Variants in TTC6 observed in about 807,000 individuals in gnomAD.
TTC6 encodes tetratricopeptide repeat protein 6.
In TTC6, 172 loss-of-function variants were observed where a neutral mutation model predicts 210.4. That is an observed-to-expected ratio of 0.82 (90% CI 0.72 to 0.93). The LOEUF (loss-of-function observed/expected upper bound fraction) is 0.93. Among genes scored for constraint, TTC6 ranks in the 40% least tolerant of loss-of-function variants. The pLI is 0.00. For missense variants in TTC6, 2,414 were observed against 2,318.1 expected (o/e 1.04, Z -0.85); for synonymous variants, 804 against 819.6 (o/e 0.98, Z 0.32).
At chr14:37,777,753 T>G (rs1428054569) in intron 14 of TTC6, among the ~76,000 whole-genome samples, 1 of 148,836 alleles carries the variant, frequency 6.7e-6, no homozygotes, top group Non-Finnish European at 1.5e-5. Context: ...TCTTTGAAAT[T>G]TGTCTCCTTC....
chr14:37,749,204 C>G (rs1483348427), exon 11 of TTC6: 2 of 1,531,076 alleles, frequency 1.3e-6, no homozygotes, highest in East Asian at 2.4e-5. Flanking sequence ...AGTGAAAGAA[C>G]CACCAAAACT....
exon 21 of TTC6, chr14:37,804,803 A>C: frequency 3.1e-6 from 5 of 1,613,752 alleles, no homozygotes; most frequent in Non-Finnish European, 4.2e-6. Context: ...GGAGGAAGGC[A>C]ATTTACAAAT....
intron 1 of TTC6, among the ~76,000 whole-genome samples, chr14:37,646,184 T>C (rs536445873): frequency 9.2e-5 from 14 of 152,280 alleles, no homozygotes; most frequent in Admixed American, 5.2e-4. Flanking sequence ...GATGAGAAAA[T>C]GGTAAATAAC....
chr14:37,611,043 G>GC (rs995305088), intron 2 of TTC6, among the ~76,000 whole-genome samples: 8 of 152,262 alleles, frequency 5.3e-5, no homozygotes, highest in Non-Finnish European at 7.3e-5. Flanking sequence ...TTCGGGAGCA[G>GC]CGTCTTTTTA....
At chr14:37,615,756 A>C (rs776472155) in intron 2 of TTC6, among the ~76,000 whole-genome samples, 3 of 150,558 alleles carry the variant, frequency 2.0e-5, no homozygotes, top group Non-Finnish European at 4.4e-5. Flanking sequence ...GATCTGTTCA[A>C]TTTTCTTTTT....
chr14:37,822,129 C>G (rs368709717), intron 26 of TTC6, among the ~76,000 whole-genome samples: 1 of 152,222 alleles, frequency 6.6e-6, no homozygotes, highest in African/African-American at 2.4e-5. Flanking sequence ...AGCACTCAGG[C>G]TGTGTTCTGC....
At chr14:37,622,150 C>T in exon 1 of TTC6, 1 of 1,535,488 alleles carries the variant, frequency 6.5e-7, no homozygotes, top group South Asian at 1.2e-5. Flanking sequence ...CGGCAGGAAA[C>T]TAAAAAGGAT....
intron 4 of TTC6, among the ~76,000 whole-genome samples, chr14:37,700,196 A>G (rs563088430): frequency 6.6e-6 from 1 of 152,236 alleles, no homozygotes; most frequent in African/African-American, 2.4e-5. Context: ...ACTTCTGGAG[A>G]AGGGCCACTT....
intron 14 of TTC6, among the ~76,000 whole-genome samples, chr14:37,772,889 A>C (rs183612929): frequency 2.6e-5 from 4 of 152,282 alleles, no homozygotes; most frequent in Admixed American, 6.5e-5. Context: ...GTCTATAAGC[A>C]TTCCCTTTTC....
chr14:37,617,137 A>C (rs538374914), upstream of TTC6, among the ~76,000 whole-genome samples: 2 of 152,204 alleles, frequency 1.3e-5, no homozygotes, highest in South Asian at 4.1e-4. Flanking sequence ...TGGCCTCCCA[A>C]AGCGCTGGGA....
intron 5 of TTC6, among the ~76,000 whole-genome samples, chr14:37,706,623 G>T (rs2095835999): frequency 6.6e-6 from 1 of 152,046 alleles, no homozygotes. Context: ...AAAGAATGAG[G>T]TAGAATTTTG....
At chr14:37,738,905 C>T in exon 10 of TTC6, 1 of 1,535,318 alleles carries the variant, frequency 6.5e-7, no homozygotes, top group Non-Finnish European at 8.7e-7. Flanking sequence ...TCAGCTCCAG[C>T]TCACTAAGCA....
At chr14:37,720,895 T>G (rs2138802359) in intron 6 of TTC6, among the ~76,000 whole-genome samples, 1 of 152,274 alleles carries the variant, frequency 6.6e-6, no homozygotes, top group African/African-American at 2.4e-5. Context: ...GGAAATGTTT[T>G]GTAGCTTGAC....
intron 8 of TTC6, among the ~76,000 whole-genome samples, chr14:37,737,394 G>A (rs994477321): frequency 6.6e-6 from 1 of 151,252 alleles, no homozygotes; most frequent in Non-Finnish European, 1.5e-5. Context: ...CTTGTACATA[G>A]CAGGTACTTG....
chr14:37,735,971 T>C, exon 8 of TTC6: 1 of 1,534,602 alleles, frequency 6.5e-7, no homozygotes, highest in Non-Finnish European at 8.7e-7. Context: ...ATAAAAGCAG[T>C]GTCATTACTT....
At chr14:37,737,818 C>A (rs116766372) in intron 9 of TTC6, 84 bp downstream of exon 11, 3 of 563,744 alleles carry the variant, frequency 5.3e-6, no homozygotes, top group South Asian at 2.5e-5. Context: ...TTTTTAAAAG[C>A]ATCTACTTCT....
chr14:37,606,133 G>C (rs2095624710), intron 1 of TTC6, among the ~76,000 whole-genome samples: 1 of 152,164 alleles, frequency 6.6e-6, no homozygotes, highest in Non-Finnish European at 1.5e-5. Context: ...GGGGTGAGCA[G>C]GTGCTTGAAG....
At chr14:37,760,899 CTG>C (rs2095982387) in intron 14 of TTC6, among the ~76,000 whole-genome samples, 1 of 152,216 alleles carries the variant, frequency 6.6e-6, no homozygotes, top group Admixed American at 6.5e-5. Context: ...CGACTTCAGA[CTG>C]TTGCCCTGGC....
intron 2 of TTC6, among the ~76,000 whole-genome samples, chr14:37,613,152 G>A (rs1276651605): frequency 6.6e-6 from 1 of 152,084 alleles, no homozygotes; most frequent in Non-Finnish European, 1.5e-5. Flanking sequence ...ATGATTCACA[G>A]TTTGCCTAGA....
Sources: gnomAD v4.1 joint callset for allele counts (sites outside exome capture counted in the v4.1 genomes callset) on GRCh38, gnomAD v4.1.1 for gene constraint, MANE v1.5 for transcripts, NCBI Gene and HGNC (gene_info 2026-07-23, HGNC 2026-07-21) for gene names.